PLPPR1: variants seen among roughly 807,000 people sequenced by gnomAD.
PLPPR1 encodes phospholipid phosphatase related 1, also known as phospholipid phosphatase-related protein type 1.
In PLPPR1, 10 loss-of-function variants were observed where a neutral mutation model predicts 33.1. The observed-to-expected ratio is 0.30, with a 90% CI of 0.19 to 0.51. The LOEUF is 0.51. Among genes scored for constraint, PLPPR1 ranks in the 20% least tolerant of loss-of-function variants. The probability of loss-of-function intolerance (pLI) is 0.97; values close to 1 mark genes in which losing one functional copy is unlikely to be tolerated. For missense variants in PLPPR1, 304 were observed against 408.1 expected (o/e 0.74, Z 2.20); for synonymous variants, 151 against 151.0 (o/e 1.00, Z 0.00).
chr9:101,236,097 C>G (rs529084384), intron 2 of PLPPR1, among the ~76,000 whole-genome samples: 1 of 151,776 alleles, frequency 6.6e-6, no homozygotes, highest in South Asian at 2.1e-4. Context: ...GACTTTAAAG[C>G]CTGTTGTTCT....
intron 2 of PLPPR1, among the ~76,000 whole-genome samples, chr9:101,215,026 A>T (rs75427044): frequency 7.3e-6 from 1 of 137,694 alleles, no homozygotes; most frequent in Admixed American, 7.2e-5. Flanking sequence ...CCATGAAATT[A>T]AAAAAAAAAA....
At chr9:101,137,109 T>G (rs1338564792) in intron 1 of PLPPR1, among the ~76,000 whole-genome samples, 2 of 152,188 alleles carry the variant, frequency 1.3e-5, no homozygotes, top group African/African-American at 4.8e-5. Flanking sequence ...CCTGTACATA[T>G]GTAGACATAC....
At chr9:101,175,494 CA>C (rs1390717808) in intron 1 of PLPPR1, among the ~76,000 whole-genome samples, 9 of 152,240 alleles carry the variant, frequency 5.9e-5, no homozygotes, top group Admixed American at 5.2e-4. Flanking sequence ...TCTCTGACCA[CA>C]AGGGTTAGAA....
chr9:101,128,687 T>C lies in PLPPR1; in HGVS notation c.-45-56763T>C, dbSNP rs141147645. 2.1e-4 allele frequency among the ~76,000 whole-genome samples: 32 copies of C among 152,326 alleles called. 1 individual carries two copies. Among genetic ancestry groups the C allele is most frequent in the African/African-American group, 7.0e-4 (29 of 41,586 alleles). ...TTATCAATTTCTCTGCCTAAATCCATGTAATCTGCAGGGTTGACAACTTCT... is the reference window on the plus strand; with the variant it reads ...TTATCAATTTCTCTGCCTAAATCCACGTAATCTGCAGGGTTGACAACTTCT... On this transcript the variant is annotated intron_variant, in intron 1 of 7. Coordinates refer to ENST00000374874, the MANE Select transcript of PLPPR1 (RefSeq NM_207299.2).
Position 101,309,434 on chromosome 9 carries a change from G to A in PLPPR1, c.609G>A (p.Leu203=). The change falls in exon 5 of 8, where the codon CTG becomes CTA. Residue 203 remains leucine (L), a synonymous_variant. Coordinates refer to ENST00000374874, the MANE Select transcript of PLPPR1 (RefSeq NM_207299.2). ...CCTTTCCCTCCAAACACGCTGCTCT[G>A]AGCATTTACTCCGCCTTATATGCCA... ...RRSFPSKHAA[L]SIYSALYATM... 3.7e-6 allele frequency: 6 copies of A among 1,614,038 alleles called. No individual in the cohort carries two copies. Among genetic ancestry groups the A allele is most frequent in the Non-Finnish European group, 5.1e-6 (6 of 1,180,002 alleles).
At chr9:101,059,627 C>T (rs1830319774) in intron 1 of PLPPR1, among the ~76,000 whole-genome samples, 1 of 152,004 alleles carries the variant, frequency 6.6e-6, no homozygotes, top group African/African-American at 2.4e-5. Context: ...AGCAAAACCA[C>T]AAATAATCAA....
chr9:101,097,911 T>C (rs1256602793), intron 1 of PLPPR1, among the ~76,000 whole-genome samples: 1 of 152,144 alleles, frequency 6.6e-6, no homozygotes, highest in Non-Finnish European at 1.5e-5. Flanking sequence ...GAACCTCATG[T>C]AGTTTTGGAT....
chr9:101,106,424 A>G (rs1192553448), intron 1 of PLPPR1, among the ~76,000 whole-genome samples: 1 of 128,578 alleles, frequency 7.8e-6, no homozygotes, highest in African/African-American at 3.2e-5. Context: ...GTTTGGCTGG[A>G]TATGAAATTC....
At chr9:101,040,670 G>A (rs918670641) in intron 1 of PLPPR1, among the ~76,000 whole-genome samples, 1 of 152,102 alleles carries the variant, frequency 6.6e-6, no homozygotes, top group Non-Finnish European at 1.5e-5. Flanking sequence ...CCTCATAACT[G>A]TCTAAAACAC....
intron 2 of PLPPR1, among the ~76,000 whole-genome samples, chr9:101,262,456 T>C (rs1827917781): frequency 6.6e-6 from 1 of 152,174 alleles, no homozygotes; most frequent in South Asian, 2.1e-4. Flanking sequence ...GAAACCTATA[T>C]TAAGTTGATA....
chr9:101,080,342 C>A (rs1247914057), intron 1 of PLPPR1, among the ~76,000 whole-genome samples: 1 of 151,896 alleles, frequency 6.6e-6, no homozygotes, highest in African/African-American at 2.4e-5. Flanking sequence ...GGCTGACATG[C>A]AAAAGCCTTG....
chr9:101,266,396 C>CA (rs546906894), intron 2 of PLPPR1, among the ~76,000 whole-genome samples: 2,954 of 113,014 alleles, frequency 0.026, 78 homozygotes, highest in Middle Eastern at 0.076. Context: ...ACCCTGTCTC[C>CA]AAAAAAAAAA....
rs374459889 is a variant in PLPPR1, at chr9:101,286,248, A to T, written c.385+12A>T. 5.0e-5 allele frequency: 80 copies of T among 1,610,314 alleles called. No homozygotes were observed. Among genetic ancestry groups the T allele is most frequent in the Non-Finnish European group, 6.5e-5 (77 of 1,178,322 alleles). ...CATAAGATTCACAGGTGAGTACAAG[A>T]TGGTGCTGAACTAAGCTCTCACATA... On this transcript the variant is annotated intron_variant, in intron 4 of 7. Coordinates refer to ENST00000374874, the MANE Select transcript of PLPPR1 (RefSeq NM_207299.2).
intron 1 of PLPPR1, among the ~76,000 whole-genome samples, chr9:101,143,264 A>C (rs999881382): frequency 6.6e-6 from 1 of 152,116 alleles, no homozygotes; most frequent in African/African-American, 2.4e-5. Context: ...ATCTAGAGAG[A>C]TTACCAGACA....
intron 1 of PLPPR1, among the ~76,000 whole-genome samples, chr9:101,070,845 G>A (rs1271324707): frequency 6.6e-6 from 1 of 152,054 alleles, no homozygotes; most frequent in Admixed American, 6.6e-5. Context: ...GTTCTGCATT[G>A]TATCCTCCAG....
intron 3 of PLPPR1, among the ~76,000 whole-genome samples, chr9:101,276,118 C>T (rs572869750): frequency 2.0e-5 from 3 of 152,226 alleles, no homozygotes; most frequent in Non-Finnish European, 4.4e-5. Flanking sequence ...TGTACTTCCT[C>T]ATAATCTGCC....
rs764067202 is a variant in PLPPR1 at position 101,080,532 on chromosome 9, TAAAC to T, written c.-46+51434_-46+51437del. On this transcript the variant is annotated intron_variant, in intron 1 of 7. Coordinates refer to ENST00000374874, the MANE Select transcript of PLPPR1 (RefSeq NM_207299.2). Reference sequence around the variant, plus strand: ...CCTGTTTCAAAAAATAAAATAAAAATAAACAAAAACAAACAAACAAGCAAACAAC... The same window carrying T: ...CCTGTTTCAAAAAATAAAATAAAAATAAAAACAAACAAACAAGCAAACAAC... Among the ~76,000 whole-genome samples the T allele has an allele frequency of 9.4e-4, 142 of 151,856 alleles. 2 individuals are homozygous for T. Among genetic ancestry groups the T allele is most frequent in the Admixed American group, 6.2e-3 (95 of 15,240 alleles).
chr9:101,093,659 T>G (rs1830778194), intron 1 of PLPPR1, among the ~76,000 whole-genome samples: 1 of 152,218 alleles, frequency 6.6e-6, no homozygotes, highest in Non-Finnish European at 1.5e-5. Context: ...TCAACTGACA[T>G]GTAAGTGCAT....
chr9:101,235,755 ACAGG>A (rs1382562450), intron 2 of PLPPR1, among the ~76,000 whole-genome samples: 1 of 151,778 alleles, frequency 6.6e-6, no homozygotes, highest in Non-Finnish European at 1.5e-5. Flanking sequence ...CCTCTCACTT[ACAGG>A]CACAGTATTC....
Sources: allele counts gnomAD v4.1 joint callset (sites outside exome capture counted in the v4.1 genomes callset), GRCh38; gene constraint gnomAD v4.1.1; transcripts MANE v1.5; gene names NCBI Gene and HGNC (gene_info 2026-07-23, HGNC 2026-07-21).